Variants in PSTPIP2 observed in about 807,000 individuals in gnomAD.
PSTPIP2 encodes the protein proline-serine-threonine phosphatase-interacting protein 2.
A neutral mutation model predicts 63.3 loss-of-function variants in PSTPIP2; 33 were observed. The ratio of observed to expected loss-of-function variants is 0.52; its 90% confidence interval spans 0.40 to 0.70. PSTPIP2 has a LOEUF of 0.70. PSTPIP2 is among the 30% of genes least tolerant of loss of function. The probability of loss-of-function intolerance (pLI) is 0.00; values close to 1 mark genes in which losing one functional copy is unlikely to be tolerated. For synonymous variants in PSTPIP2, 125 were observed against 132.7 expected (o/e 0.94, Z 0.40); for missense variants, 312 against 400.7 (o/e 0.78, Z 1.89).
In PSTPIP2 at chr18:46,042,471, C is replaced by T. The variant is rs117374003; in HGVS notation, c.34-2424G>A. The stretch of plus-strand genomic sequence containing the variant: ...AGTCCCCAGCATCTGAATTTGTTTG[C>T]TATTATGCCTGTGAATACCTTTCTG... On this transcript the variant is annotated intron_variant, in intron 1 of 14. Transcript: ENST00000409746. 2.5e-4 allele frequency among the ~76,000 whole-genome samples: 38 copies of T among 152,284 alleles called. 1 individual carries two copies. In the East Asian group the frequency reaches 6.2e-3, roughly 25 times the overall value.
intron 13 of PSTPIP2, chr18:45,989,508 G>A (rs1290661100): frequency 6.2e-6 from 1 of 161,330 alleles, no homozygotes; most frequent in African/African-American, 2.4e-5. Context: ...CCCAGTCTTG[G>A]GTATGTCTTT....
At chr18:45,996,110 T>G (rs1016330670) in intron 9 of PSTPIP2, among the ~76,000 whole-genome samples, 1 of 152,200 alleles carries the variant, frequency 6.6e-6, no homozygotes, top group Non-Finnish European at 1.5e-5. Context: ...GCAGCCACCA[T>G]GCCTGGCTGA....
At chr18:46,006,648 A>G (rs1246367795) in intron 5 of PSTPIP2, among the ~76,000 whole-genome samples, 1 of 152,070 alleles carries the variant, frequency 6.6e-6, no homozygotes, top group East Asian at 1.9e-4. Context: ...TGCTGGGATT[A>G]CAGTCATGAG....
At chr18:46,040,143 G>T in intron 1 of PSTPIP2, 96 bp from the exon 2 acceptor site, 1 of 995,286 alleles carries the variant, frequency 1.0e-6, no homozygotes, top group Non-Finnish European at 1.5e-6. Context: ...GCTGGCCACG[G>T]AACGTTGCTG....
At chr18:46,003,754 GTTTT>G (rs61114152) in intron 6 of PSTPIP2, among the ~76,000 whole-genome samples, 2 of 130,430 alleles carry the variant, frequency 1.5e-5, no homozygotes. Flanking sequence ...CCCTTTCAGA[GTTTT>G]TTTTTTTTTT....
chr18:46,065,754 C>T (rs112183555), intron 1 of PSTPIP2, among the ~76,000 whole-genome samples: 44 of 152,078 alleles, frequency 2.9e-4, no homozygotes, highest in African/African-American at 9.2e-4. Flanking sequence ...CGTAAGCCAC[C>T]GCGCCCGGCC....
At chr18:46,070,839 G>A (rs139620439) in intron 1 of PSTPIP2, among the ~76,000 whole-genome samples, 3,058 of 152,214 alleles carry the variant, frequency 0.02, 48 homozygotes, top group Middle Eastern at 0.075. Context: ...TTAGTATCAC[G>A]TCTGCCTCCT....
chr18:46,031,123 C>T (rs1344149956), intron 2 of PSTPIP2, among the ~76,000 whole-genome samples: 3 of 152,188 alleles, frequency 2.0e-5, no homozygotes, highest in Non-Finnish European at 4.4e-5. Context: ...AATACTTCCA[C>T]TATTCCTTTG....
intron 2 of PSTPIP2, chr18:46,029,164 T>C: frequency 2.1e-6 from 2 of 958,460 alleles, no homozygotes; most frequent in Non-Finnish European, 3.4e-6. Context: ...AGCAAGGTTT[T>C]TTATGTCTAT....
chr18:45,999,701 T>G (rs2051642619), intron 6 of PSTPIP2, among the ~76,000 whole-genome samples, 167 bp from the exon 7 acceptor site: 1 of 152,208 alleles, frequency 6.6e-6, no homozygotes, highest in African/African-American at 2.4e-5. Context: ...CTTATCAGTC[T>G]TTGAAAGCTC....
intron 9 of PSTPIP2, 101 bp from the exon 10 acceptor site, chr18:45,993,804 T>A: frequency 3.0e-6 from 3 of 986,384 alleles, no homozygotes; most frequent in Non-Finnish European, 4.7e-6. Flanking sequence ...CAGTTATCTG[T>A]AAACTTATTG....
rs578255043 is a variant in PSTPIP2, at chr18:46,025,897, G to T, written c.135-1211C>A. On this transcript the variant is annotated intron_variant, in intron 2 of 14. Coordinates refer to ENST00000409746, the MANE Select transcript of PSTPIP2 (RefSeq NM_024430.4). ...AGCCTCCCATGCAGCTGGGACTACA[G>T]GTGTGCGCCACCATGCCGAGCTAAT... 6.8e-4 allele frequency among the ~76,000 whole-genome samples: 104 copies of T among 152,238 alleles called. 1 individual carries two copies. Among genetic ancestry groups the T allele is most frequent in the East Asian group, 2.5e-3 (13 of 5,178 alleles).
intron 2 of PSTPIP2, among the ~76,000 whole-genome samples, chr18:46,036,077 TTTAA>T (rs1379903862): frequency 4.7e-5 from 7 of 150,068 alleles, no homozygotes; most frequent in African/African-American, 7.3e-5. Context: ...TACAGTATTA[TTTAA>T]TTATTATATA....
In PSTPIP2 at chr18:46,002,347, T is replaced by G. The variant is rs548023679; in HGVS notation, c.418-2813A>C. 1.1e-4 allele frequency among the ~76,000 whole-genome samples: 16 copies of G among 152,282 alleles called. No individual in the cohort carries two copies. The East Asian group carries it at 2.9e-3, about 27-fold the overall frequency. On this transcript the variant is annotated intron_variant, in intron 6 of 14. Coordinates refer to ENST00000409746, the MANE Select transcript of PSTPIP2 (RefSeq NM_024430.4). ...TCAGCCCACCTTCCTTCTCCTCACC[T>G]TTTAGTATCACAGAGACATTAGTGT... is the stretch of plus-strand genomic sequence containing the variant.
chr18:46,035,419 TAAA>T, intron 2 of PSTPIP2, among the ~76,000 whole-genome samples: 1 of 31,790 alleles, frequency 3.1e-5, no homozygotes, highest in Non-Finnish European at 1.3e-4. Context: ...GACTCTGTCT[TAAA>T]AAAAAAAAAA....
chr18:46,039,692 G>T (rs1908117523), intron 2 of PSTPIP2, among the ~76,000 whole-genome samples: 1 of 151,340 alleles, frequency 6.6e-6, no homozygotes, highest in African/African-American at 2.4e-5. Context: ...AATGTTATTT[G>T]TACCACAGTA....
At position 46,006,980 on chromosome 18, in the gene PSTPIP2, C is replaced by T. The variant is rs979393986; in HGVS notation, c.355-1449G>A. ...TGAAATTTGAACCCAGTAGCCCTGA[C>T]TCCAGTGCCCTTTTGTTTCTCATTA... On this transcript the variant is annotated intron_variant, in intron 5 of 14. Transcript: ENST00000409746. Among the ~76,000 whole-genome samples the T allele has an allele frequency of 1.5e-4, 23 of 152,216 alleles. 1 individual carries two copies. The highest frequency in any genetic ancestry group is 6.5e-4 in the Admixed American group (10 of 15,288).
intron 2 of PSTPIP2, chr18:46,028,352 A>G: frequency 2.1e-6 from 1 of 483,818 alleles, no homozygotes; most frequent in South Asian, 1.7e-5. Flanking sequence ...CCGCCCCAAA[A>G]GGCTGCCGCT....
intron 1 of PSTPIP2, among the ~76,000 whole-genome samples, chr18:46,065,299 T>C (rs1909147842): frequency 6.6e-6 from 1 of 151,726 alleles, no homozygotes; most frequent in African/African-American, 2.4e-5. Context: ...GTTATAATTT[T>C]TTTTTTTTTT....
Sources: allele counts gnomAD v4.1 joint callset (sites outside exome capture counted in the v4.1 genomes callset), GRCh38; gene constraint gnomAD v4.1.1; transcripts MANE v1.5; gene names NCBI Gene and HGNC (gene_info 2026-07-23, HGNC 2026-07-21).